The following MKRN2 variants were observed in gnomAD, a reference collection of about 807,000 sequenced individuals.
The protein encoded by MKRN2 is makorin ring finger protein 2, also known as E3 ubiquitin-protein ligase makorin-2.
Under a neutral mutation model 45.4 loss-of-function variants are expected in MKRN2, and 32 were observed. The ratio of observed to expected loss-of-function variants is 0.70; its 90% CI spans 0.53 to 0.95. The LOEUF is 0.95. Ranked by LOEUF, MKRN2 falls within the 40% of genes least tolerant of loss-of-function variation. The probability of loss-of-function intolerance (pLI) is 0.00; values close to 1 mark genes in which losing one functional copy is unlikely to be tolerated. For missense variants in MKRN2, 526 were observed against 536.7 expected, an observed-to-expected ratio of 0.98 and a Z score of 0.20; for synonymous variants, 206 against 192.4, an observed-to-expected ratio of 1.07 and a Z score of -0.59.
At position 12,582,270 on chromosome 3, in the gene MKRN2, C is replaced by G; in HGVS notation, c.*17C>G. ...GAACCCTAAAGAGTAGATGGTTGCC[C>G]TGCATCTTGGGCTCCATCGGCCGAA... On this transcript the variant is annotated 3_prime_UTR_variant, in exon 8 of 8. Transcript: ENST00000170447. 6.2e-7 allele frequency: 1 copy of G among 1,611,756 alleles called. No homozygotes were observed. The highest frequency in any genetic ancestry group is 8.5e-7 in the Non-Finnish European group (1 of 1,178,026).
At chr3:12,575,573 A>C (rs1002955319) in intron 5 of MKRN2, among the ~76,000 whole-genome samples, 41 of 152,270 alleles carry the variant, frequency 2.7e-4, no homozygotes, top group African/African-American at 9.1e-4. Context: ...CTGTCCGCTC[A>C]TCTCATTCCC....
At chr3:12,572,517 G>A in intron 4 of MKRN2, 144 bp downstream of exon 4, 1 of 668,920 alleles carries the variant, frequency 1.5e-6, no homozygotes, top group South Asian at 3.6e-5. Context: ...GCATCCCCCT[G>A]CCAGTAATAC....
intron 2 of MKRN2, 74 bp downstream of exon 2, chr3:12,569,077 T>G: frequency 6.7e-7 from 1 of 1,501,438 alleles, no homozygotes; most frequent in Non-Finnish European, 9.0e-7. Context: ...AGGGGGAAAT[T>G]TTAATGTAAA....
At chr3:12,571,148 A>C (rs1374587346) in intron 3 of MKRN2, among the ~76,000 whole-genome samples, 1 of 149,436 alleles carries the variant, frequency 6.7e-6, no homozygotes, top group Non-Finnish European at 1.5e-5. Context: ...TTTTTTGGAG[A>C]TGGAGACTCG....
chr3:12,566,884 T>C (rs1366354228), intron 1 of MKRN2, among the ~76,000 whole-genome samples: 1 of 152,252 alleles, frequency 6.6e-6, no homozygotes, highest in Non-Finnish European at 1.5e-5. Context: ...ATTATAGGCG[T>C]GAGCCACCAC....
chr3:12,581,865 AT>A lies in MKRN2; in HGVS notation c.1027del (p.Cys343ValfsTer12). 1 of 1,614,136 alleles carries A rather than the reference AT, an allele frequency of 6.2e-7. No individual in the cohort carries two copies. The highest frequency in any genetic ancestry group is 8.5e-7 in the Non-Finnish European group (1 of 1,180,030). On this transcript the variant is annotated frameshift_variant, in exon 7 of 8. Coordinates refer to ENST00000170447, the MANE Select transcript of MKRN2 (RefSeq NM_014160.5). LOFTEE classifies it high-confidence loss of function. Reference sequence around the variant, plus strand: ...AGGGGACCTGCCCATTTGGAAGCAAATGTCTTTATCGCCATGCTTACCCCGA... The same window carrying A: ...AGGGGACCTGCCCATTTGGAAGCAAAGTCTTTATCGCCATGCTTACCCCGA... ...GKGTCPFGSK[C>X]LYRHAYPDGR...
chr3:12,569,092 A>T, intron 2 of MKRN2, 89 bp downstream of exon 2: 1 of 1,422,628 alleles, frequency 7.0e-7, no homozygotes. Context: ...TGTAAAAGTA[A>T]TATGGCAACA....
At chr3:12,562,600 G>T (rs761702303) in intron 1 of MKRN2, among the ~76,000 whole-genome samples, 1 of 152,084 alleles carries the variant, frequency 6.6e-6, no homozygotes, top group Non-Finnish European at 1.5e-5. Flanking sequence ...TTAGGAACCA[G>T]GCCACACAGC....
At chr3:12,566,803 A>C (rs1000649833) in intron 1 of MKRN2, among the ~76,000 whole-genome samples, 2 of 152,136 alleles carry the variant, frequency 1.3e-5, no homozygotes, top group African/African-American at 2.4e-5. Context: ...GTGTTTCACC[A>C]TGTTGACCAG....
chr3:12,557,831 C>G (rs1208786023), intron 1 of MKRN2, among the ~76,000 whole-genome samples: 2 of 152,222 alleles, frequency 1.3e-5, no homozygotes, highest in Non-Finnish European at 2.9e-5. Context: ...GACGTTGACA[C>G]TCATTTATCT....
intron 5 of MKRN2, among the ~76,000 whole-genome samples, chr3:12,576,127 A>G (rs2058134372): frequency 2.0e-5 from 3 of 151,390 alleles, no homozygotes; most frequent in East Asian, 3.9e-4. Context: ...GCACCCTTTT[A>G]CATTCTCACC....
At chr3:12,573,236 G>T (rs1046647490) in intron 4 of MKRN2, among the ~76,000 whole-genome samples, 4 of 152,032 alleles carry the variant, frequency 2.6e-5, no homozygotes, top group Non-Finnish European at 5.9e-5. Context: ...GATAAGAGGC[G>T]GGGGAGGGCC....
chr3:12,571,414 AGTT>A (rs2125304243), intron 3 of MKRN2, among the ~76,000 whole-genome samples: 1 of 152,256 alleles, frequency 6.6e-6, no homozygotes, highest in South Asian at 2.1e-4. Context: ...TGGCCATAAA[AGTT>A]GTTTTTATTG....
At chr3:12,572,006 C>T (rs1018422369) in intron 3 of MKRN2, 63 bp from the exon 4 acceptor site, 6 of 1,474,904 alleles carry the variant, frequency 4.1e-6, no homozygotes, top group East Asian at 2.4e-5. Context: ...TAGGCTTTGG[C>T]TAACGGCATA....
chr3:12,572,078 G>A lies in MKRN2; in HGVS notation c.347G>A (p.Gly116Asp), dbSNP rs2058102885. Residue 116 changes from glycine to aspartate, a missense_variant, in exon 4 of 8, where the codon GGC becomes GAC. Gly to Asp is a moderately conservative substitution (Grantham distance 94, BLOSUM62 -1). Transcript: ENST00000170447. ...TLVLRDRNLS[G>D]MAERKTQPSM... Reference sequence around the variant, plus strand: ...TGTGTGTTGTTTTCAGATCTCTCTGGCATGGCTGAAAGGAAGACCCAGCCG... The same window carrying A: ...TGTGTGTTGTTTTCAGATCTCTCTGACATGGCTGAAAGGAAGACCCAGCCG... 1.2e-6 allele frequency: 2 copies of A among 1,605,246 alleles called. No homozygotes were observed. The highest frequency in any genetic ancestry group is 1.7e-6 in the Non-Finnish European group (2 of 1,174,810).
intron 4 of MKRN2, among the ~76,000 whole-genome samples, chr3:12,573,494 A>G (rs2058112283): frequency 6.6e-6 from 1 of 150,562 alleles, no homozygotes; most frequent in Non-Finnish European, 1.5e-5. Context: ...AGATTGTGCC[A>G]CTGCACTACA....
At chr3:12,567,339 A>G (rs1381439667) in intron 1 of MKRN2, among the ~76,000 whole-genome samples, 4 of 150,562 alleles carry the variant, frequency 2.7e-5, no homozygotes, top group Admixed American at 2.0e-4. Flanking sequence ...TGGCACAATC[A>G]TGGCTACTGC....
chr3:12,575,072 T>C (rs916460857), intron 5 of MKRN2, 66 bp downstream of exon 5: 75 of 1,488,026 alleles, frequency 5.0e-5, no homozygotes, highest in Non-Finnish European at 6.7e-5. Flanking sequence ...CTTTATTCCG[T>C]CCACTTTTAA....
intron 1 of MKRN2, among the ~76,000 whole-genome samples, chr3:12,558,397 A>C (rs1258782231): frequency 6.6e-6 from 1 of 152,156 alleles, no homozygotes; most frequent in Non-Finnish European, 1.5e-5. Context: ...CTGCTGGAGG[A>C]AGTATTCCTA....
Sources: allele counts gnomAD v4.1 joint callset (sites outside exome capture counted in the v4.1 genomes callset), GRCh38; gene constraint gnomAD v4.1.1; transcripts MANE v1.5; gene names NCBI Gene and HGNC (gene_info 2026-07-23, HGNC 2026-07-21).